The following SCAMP1 variants were observed in gnomAD, a reference collection of about 807,000 sequenced individuals.
SCAMP1 encodes the protein secretory carrier-associated membrane protein 1.
A neutral mutation model predicts 41.8 loss-of-function variants in SCAMP1; 15 were observed. That is an observed-to-expected ratio of 0.36 (90% confidence interval 0.24 to 0.55). The LOEUF (loss-of-function observed/expected upper bound fraction) is 0.55. Among genes scored for constraint, SCAMP1 ranks in the 20% least tolerant of loss-of-function variants. The pLI, the probability that SCAMP1 is intolerant of heterozygous loss-of-function variation, is 0.86. For missense variants in SCAMP1, 341 were observed against 412.6 expected (o/e 0.83, Z 1.50); for synonymous variants, 135 against 136.8 (o/e 0.99, Z 0.09).
chr5:78,388,965 C>A, intron 2 of SCAMP1, 51 bp downstream of exon 2: 1 of 892,164 alleles, frequency 1.1e-6, no homozygotes. Context: ...AGTAGGAATT[C>A]TATTTTAACT....
At chr5:78,390,844 G>A (rs1751471216) in intron 2 of SCAMP1, among the ~76,000 whole-genome samples, 1 of 150,548 alleles carries the variant, frequency 6.6e-6, no homozygotes, top group Non-Finnish European at 1.5e-5. Context: ...ATTAGGGAGT[G>A]GTGATGACTC....
At chr5:78,449,245 T>C (rs570365616) in intron 6 of SCAMP1, among the ~76,000 whole-genome samples, 30 of 152,040 alleles carry the variant, frequency 2.0e-4, no homozygotes, top group Non-Finnish European at 4.0e-4. Context: ...AGAAACAACC[T>C]AACTGTCCCA....
At chr5:78,441,327 G>A (rs779417774) in intron 6 of SCAMP1, among the ~76,000 whole-genome samples, 7 of 152,306 alleles carry the variant, frequency 4.6e-5, no homozygotes, top group South Asian at 2.1e-4. Flanking sequence ...CTATTTGGCC[G>A]TCTTCAAACG....
intron 2 of SCAMP1, among the ~76,000 whole-genome samples, chr5:78,415,086 T>A (rs1453546377): frequency 6.6e-6 from 1 of 151,964 alleles, no homozygotes; most frequent in Non-Finnish European, 1.5e-5. Context: ...CCCAAGTAGC[T>A]GGGATTACAG....
At chr5:78,440,275 A>T (rs1752885245) in intron 6 of SCAMP1, among the ~76,000 whole-genome samples, 1 of 152,040 alleles carries the variant, frequency 6.6e-6, no homozygotes, top group Admixed American at 6.5e-5. Flanking sequence ...CCTTTTCAGG[A>T]GAAGGGGCGC....
intron 1 of SCAMP1, among the ~76,000 whole-genome samples, chr5:78,365,130 A>G (rs1398806006): frequency 6.6e-6 from 1 of 152,304 alleles, no homozygotes; most frequent in Non-Finnish European, 1.5e-5. Context: ...AGCTTAATGT[A>G]TAGTGGTTTT....
At chr5:78,474,995 A>G (rs937278986) in intron 8 of SCAMP1, among the ~76,000 whole-genome samples, 3 of 152,204 alleles carry the variant, frequency 2.0e-5, no homozygotes, top group Admixed American at 2.0e-4. Flanking sequence ...CAGAGTGCAT[A>G]GCGGCAATAT....
chr5:78,381,750 T>C (rs1295662102), intron 1 of SCAMP1, among the ~76,000 whole-genome samples: 2 of 152,230 alleles, frequency 1.3e-5, no homozygotes, highest in African/African-American at 4.8e-5. Context: ...ACTTGCTTTA[T>C]GCCAAATTTG....
chr5:78,365,671 T>C (rs2112037298), intron 1 of SCAMP1, among the ~76,000 whole-genome samples: 1 of 152,186 alleles, frequency 6.6e-6, no homozygotes, highest in South Asian at 2.1e-4. Flanking sequence ...ACCAAGGTTG[T>C]CTGAATTCTG....
chr5:78,428,619 T>A (rs1179998340), intron 6 of SCAMP1, among the ~76,000 whole-genome samples: 1 of 152,180 alleles, frequency 6.6e-6, no homozygotes, highest in Admixed American at 6.5e-5. Context: ...AATTTTGGAC[T>A]CAGCCTGTTT....
At position 78,443,751 on chromosome 5, in the gene SCAMP1, C is replaced by T. The variant is rs1752987029; in HGVS notation, c.633-6182C>T. ...CATTGTTCATTGCTGCTTTATTTTCCAGGCTCAAATGATCCTCCTGCCTCA... is the reference window on the plus strand; with the variant it reads ...CATTGTTCATTGCTGCTTTATTTTCTAGGCTCAAATGATCCTCCTGCCTCA... On this transcript the variant is annotated intron_variant, in intron 6 of 8. Coordinates refer to ENST00000621999, the MANE Select transcript of SCAMP1 (RefSeq NM_004866.6). 2.2e-5 allele frequency among the ~76,000 whole-genome samples: 3 copies of T among 136,376 alleles called. No individual in the cohort carries two copies. The Admixed American group carries it at 2.4e-4, about 11-fold the overall frequency. 89.5% of individuals were successfully genotyped at this position (136,376 alleles called of 152,430 possible).
At chr5:78,380,681 A>G (rs1001602075) in intron 1 of SCAMP1, among the ~76,000 whole-genome samples, 1 of 152,240 alleles carries the variant, frequency 6.6e-6, no homozygotes, top group African/African-American at 2.4e-5. Flanking sequence ...GGTGGTAATA[A>G]TACTCGTTGA....
intron 2 of SCAMP1, among the ~76,000 whole-genome samples, chr5:78,414,044 T>G (rs143315080): frequency 0.011 from 1,625 of 151,864 alleles, 35 homozygotes; most frequent in African/African-American, 0.037. Context: ...TTTCTTATGG[T>G]CATTCTAAAG....
intron 1 of SCAMP1, among the ~76,000 whole-genome samples, chr5:78,388,139 G>A (rs866694545): frequency 1.3e-5 from 2 of 152,196 alleles, no homozygotes; most frequent in Non-Finnish European, 2.9e-5. Context: ...AGAGGTTCAC[G>A]ATGTAGGTCT....
intron 7 of SCAMP1, among the ~76,000 whole-genome samples, chr5:78,455,130 A>G (rs1753353834): frequency 6.7e-6 from 1 of 150,198 alleles, no homozygotes; most frequent in East Asian, 2.0e-4. Context: ...CTTTCAAAAA[A>G]CCAGCTCCTG....
intron 6 of SCAMP1, among the ~76,000 whole-genome samples, chr5:78,449,000 C>CAAAA (rs370076536): frequency 1.5e-5 from 2 of 136,454 alleles, no homozygotes; most frequent in Non-Finnish European, 3.1e-5. Flanking sequence ...AACTCCGTCT[C>CAAAA]AAAAAAAAAA....
rs1277427196 is a variant in SCAMP1, at chr5:78,477,813, T to TTA, written c.*2145_*2146insTA. On this transcript the variant is annotated 3_prime_UTR_variant, in exon 9 of 9. Transcript: ENST00000621999. ...TGTGCATTGAAATGATGGCAATGCT[T>TTA]ATAGTATGATCAAGTATGAAAGGAA... The TTA allele has an allele frequency of 2.0e-5, 3 of 152,128 alleles. No homozygotes were observed. Among genetic ancestry groups the TTA allele is most frequent in the Admixed American group, 2.0e-4 (3 of 15,272 alleles). 9.4% of individuals were successfully genotyped at this position (152,128 alleles called of 1,614,324 possible).
chr5:78,443,550 T>G (rs1427505622), intron 6 of SCAMP1, among the ~76,000 whole-genome samples: 1 of 152,082 alleles, frequency 6.6e-6, no homozygotes, highest in African/African-American at 2.4e-5. Context: ...AGCTTTTTCA[T>G]TGACCCCTGT....
intron 2 of SCAMP1, among the ~76,000 whole-genome samples, chr5:78,404,453 G>GTTTTTTTTTTTTTTTTTT (rs3058233): frequency 3.5e-4 from 34 of 98,178 alleles, no homozygotes; most frequent in African/African-American, 1.4e-3. Flanking sequence ...AGCCTTACAG[G>GTTTTTTTTTTTTTTTTTT]TTTTTTTTTT....
Sources: allele counts gnomAD v4.1 joint callset (sites outside exome capture counted in the v4.1 genomes callset), GRCh38; gene constraint gnomAD v4.1.1; transcripts MANE v1.5; gene names NCBI Gene and HGNC (gene_info 2026-07-23, HGNC 2026-07-21).